AKAP6: variants seen among roughly 807,000 people sequenced by gnomAD.
AKAP6 encodes the protein A-kinase anchor protein 6.
Under a neutral mutation model 188.5 loss-of-function variants are expected in AKAP6, and 58 were observed. The ratio of observed to expected loss-of-function variants is 0.31; its 90% confidence interval spans 0.25 to 0.38. The LOEUF is 0.38. Among genes scored for constraint, AKAP6 ranks in the 10% least tolerant of loss-of-function variants. AKAP6 has a pLI of 1.00. For synonymous variants in AKAP6, 989 were observed against 998.6 expected (o/e 0.99, Z 0.18); for missense variants, 2,710 against 2,740.0 (o/e 0.99, Z 0.24).
At chr14:32,473,691 A>G (rs760250414) in intron 2 of AKAP6, 1 of 152,240 alleles carries the variant, frequency 6.6e-6, no homozygotes, top group African/African-American at 2.4e-5. Flanking sequence ...GGGGACTGAC[A>G]TTCTAGTGCT....
At chr14:32,426,127 A>G (rs1399687549) in intron 1 of AKAP6, among the ~76,000 whole-genome samples, 2 of 152,162 alleles carry the variant, frequency 1.3e-5, no homozygotes, top group East Asian at 1.9e-4. Context: ...TTTATAAGCC[A>G]TCTGAAATGT....
chr14:32,360,922 T>A (rs1314850445), intron 1 of AKAP6, among the ~76,000 whole-genome samples: 2 of 151,548 alleles, frequency 1.3e-5, no homozygotes, highest in Non-Finnish European at 2.9e-5. Flanking sequence ...TAAAAAAAAT[T>A]TTTTTTGTAG....
At chr14:32,411,934 GCTGCTTCATTT>G (rs66980814) in intron 1 of AKAP6, among the ~76,000 whole-genome samples, 2,010 of 147,994 alleles carry the variant, frequency 0.014, 30 homozygotes, top group Non-Finnish European at 0.015. Flanking sequence ...CGTAATGATA[GCTGCTTCATTT>G]ACAAGCTAAT....
In AKAP6 at chr14:32,823,297, T is replaced by C. The variant is rs570688261; in HGVS notation, c.5484T>C (p.Ser1828=). 6.8e-6 allele frequency: 11 copies of C among 1,613,762 alleles called. No homozygotes were observed. In the Admixed American group the frequency reaches 1.0e-4, roughly 15 times the overall value. Residue 1828 remains serine (S), a synonymous_variant, in exon 13 of 14, where the codon AGT becomes AGC. Transcript: ENST00000280979. ...RCNVSDEMKG[S]KDISSSEMTN... ...ATGTCAGTGATGAGATGAAGGGCAG[T>C]AAAGATATAAGTAGCAGTGAGATGA... is the stretch of plus-strand genomic sequence containing the variant.
chr14:32,503,574 A>G (rs181864315), intron 2 of AKAP6, among the ~76,000 whole-genome samples: 2 of 151,800 alleles, frequency 1.3e-5, no homozygotes, highest in Admixed American at 6.6e-5. Flanking sequence ...TCTTTGATAC[A>G]TTTGGGATTT....
At chr14:32,330,526 A>G (rs931207807) in intron 1 of AKAP6, among the ~76,000 whole-genome samples, 3 of 151,966 alleles carry the variant, frequency 2.0e-5, no homozygotes, top group African/African-American at 7.2e-5. Context: ...CAATTGATCA[A>G]TATGTCCACT....
At chr14:32,744,168 G>T (rs1049831666) in intron 11 of AKAP6, among the ~76,000 whole-genome samples, 4 of 151,982 alleles carry the variant, frequency 2.6e-5, no homozygotes, top group Non-Finnish European at 5.9e-5. Flanking sequence ...GAGCTCCATT[G>T]TATGTTATTT....
chr14:32,636,422 A>T (rs1402067281), intron 7 of AKAP6, among the ~76,000 whole-genome samples: 1 of 152,132 alleles, frequency 6.6e-6, no homozygotes, highest in Non-Finnish European at 1.5e-5. Context: ...AGGCAGCTAA[A>T]TTAGATGAGA....
intron 1 of AKAP6, among the ~76,000 whole-genome samples, chr14:32,384,843 G>T (rs575869995): frequency 8.5e-4 from 130 of 152,266 alleles, no homozygotes; most frequent in African/African-American, 3.0e-3. Flanking sequence ...ATATGCAGGG[G>T]TGGGGAGAGA....
At chr14:32,544,606 A>T (rs1441360213) in intron 3 of AKAP6, among the ~76,000 whole-genome samples, 1 of 152,192 alleles carries the variant, frequency 6.6e-6, no homozygotes, top group Non-Finnish European at 1.5e-5. Flanking sequence ...ATCTCTAATG[A>T]TAAAGTTTGG....
chr14:32,428,025 C>T (rs10444701), intron 1 of AKAP6, among the ~76,000 whole-genome samples: 106,287 of 152,128 alleles, frequency 0.7, 41,924 homozygotes, highest in Non-Finnish European at 0.88. Flanking sequence ...GCCTCTCAAA[C>T]TGTACTCATG....
At chr14:32,659,873 T>A (rs1888611546) in intron 7 of AKAP6, among the ~76,000 whole-genome samples, 1 of 152,122 alleles carries the variant, frequency 6.6e-6, no homozygotes, top group Admixed American at 6.6e-5. Flanking sequence ...GGCTAAGATT[T>A]GTCTTCATTC....
Position 32,822,102 on chromosome 14 carries a change from T to C in AKAP6, c.4289T>C (p.Ile1430Thr). 1 of 1,613,908 alleles carries C rather than the reference T, an allele frequency of 6.2e-7. No individual in the cohort carries two copies. Among genetic ancestry groups the C allele is most frequent in the Non-Finnish European group, 8.5e-7 (1 of 1,179,930 alleles). ...CTTCCAAATAGCTCTCAGTCGTCCA[T>C]TTCACCAGTGGGTTGTGTAAATGGA... ...IKLPNSSQSS[I>T]SPVGCVNGKV... Residue 1430 changes from isoleucine to threonine, a missense_variant, in exon 13 of 14, where the codon ATT becomes ACT. Around this residue, in one of 2 missense-constraint regions of AKAP6, gnomAD observed 2,473 missense variants for 2,426.1 expected, o/e 1.02. Coordinates refer to ENST00000280979, the MANE Select transcript of AKAP6 (RefSeq NM_004274.5).
At chr14:32,632,633 G>A (rs1432859327) in intron 7 of AKAP6, among the ~76,000 whole-genome samples, 2 of 151,984 alleles carry the variant, frequency 1.3e-5, no homozygotes, top group South Asian at 2.1e-4. Context: ...AACTGAAAAG[G>A]GGATCAAAAA....
At chr14:32,440,888 G>A (rs932997724) in intron 2 of AKAP6, among the ~76,000 whole-genome samples, 3 of 152,044 alleles carry the variant, frequency 2.0e-5, no homozygotes, top group East Asian at 1.9e-4. Context: ...CTCAAAATTC[G>A]TATGTTGAAA....
chr14:32,454,354 C>A (rs1891047019), intron 2 of AKAP6, among the ~76,000 whole-genome samples: 2 of 152,162 alleles, frequency 1.3e-5, no homozygotes, highest in Non-Finnish European at 2.9e-5. Flanking sequence ...AAAGGGAACA[C>A]CCCCTTCAGC....
intron 2 of AKAP6, among the ~76,000 whole-genome samples, chr14:32,509,144 T>TTTTTTTTTA (rs1881035722): frequency 9.6e-6 from 1 of 103,788 alleles, no homozygotes. Context: ...TTTTTTTTTT[T>TTTTTTTTTA]GAGAGAGTCT....
intron 5 of AKAP6, among the ~76,000 whole-genome samples, chr14:32,589,613 G>A (rs894812045): frequency 1.3e-5 from 2 of 152,068 alleles, no homozygotes; most frequent in African/African-American, 4.8e-5. Flanking sequence ...AAAGCACCTG[G>A]GAATGTACTT....
chr14:32,476,656 A>G (rs1879080357), intron 2 of AKAP6, among the ~76,000 whole-genome samples: 1 of 152,196 alleles, frequency 6.6e-6, no homozygotes, highest in Non-Finnish European at 1.5e-5. Context: ...TCACAGTGCT[A>G]AAATAATAGG....
Sources: allele counts gnomAD v4.1 joint callset (sites outside exome capture counted in the v4.1 genomes callset), GRCh38; gene constraint gnomAD v4.1.1; regional missense constraint gnomAD v4.1.1; transcripts MANE v1.5; gene names NCBI Gene and HGNC (gene_info 2026-07-23, HGNC 2026-07-21).